Variants in KIAA0232 observed in about 807,000 individuals in gnomAD.
The protein encoded by KIAA0232 is KIAA0232.
Under a neutral mutation model 122.0 loss-of-function variants are expected in KIAA0232, and 27 were observed. That is an observed-to-expected ratio of 0.22 (90% CI 0.16 to 0.31). The LOEUF is 0.31. Among genes scored for constraint, KIAA0232 ranks in the 10% least tolerant of loss-of-function variants. The pLI is 1.00. For missense variants in KIAA0232, 1,551 were observed against 1,634.2 expected, an observed-to-expected ratio of 0.95 and a Z score of 0.88; for synonymous variants, 613 against 587.6, an observed-to-expected ratio of 1.04 and a Z score of -0.63.
chr4:6,831,673 C>T (rs73080519), intron 3 of KIAA0232, among the ~76,000 whole-genome samples: 2,641 of 152,306 alleles, frequency 0.017, 83 homozygotes, highest in African/African-American at 0.061. Context: ...TGGAAGATTA[C>T]TGGCAACCCA....
At chr4:6,814,721 G>T (rs1718041368) in intron 2 of KIAA0232, among the ~76,000 whole-genome samples, 1 of 152,154 alleles carries the variant, frequency 6.6e-6, no homozygotes, top group Non-Finnish European at 1.5e-5. Context: ...CAGCTATTAA[G>T]TGGCAGAGGT....
chr4:6,842,011 A>G, intron 3 of KIAA0232, 56 bp from the exon 4 acceptor site: 1 of 1,600,818 alleles, frequency 6.2e-7, no homozygotes, highest in Non-Finnish European at 8.5e-7. Flanking sequence ...GGTAGGTGGA[A>G]CATAGTAGTG....
chr4:6,829,603 C>T (rs965986180), intron 3 of KIAA0232, among the ~76,000 whole-genome samples: 1 of 152,180 alleles, frequency 6.6e-6, no homozygotes, highest in African/African-American at 2.4e-5. Flanking sequence ...AGCCAAACCT[C>T]GAAAGTAAGT....
intron 3 of KIAA0232, among the ~76,000 whole-genome samples, chr4:6,833,636 A>G (rs1352551849): frequency 2.6e-5 from 4 of 152,118 alleles, no homozygotes; most frequent in African/African-American, 9.7e-5. Context: ...ATCTCAAAAA[A>G]AGGAAAAAAA....
chr4:6,865,790 C>G (rs1721144497), intron 7 of KIAA0232, among the ~76,000 whole-genome samples: 1 of 152,236 alleles, frequency 6.6e-6, no homozygotes, highest in Non-Finnish European at 1.5e-5. Context: ...CTAATTCCCT[C>G]TCTCCCCTGC....
chr4:6,862,209 C>T lies in KIAA0232; in HGVS notation c.1827C>T (p.Asp609=), dbSNP rs1720912923. 2.5e-6 allele frequency: 4 copies of T among 1,614,146 alleles called. No homozygotes were observed. The highest frequency in any genetic ancestry group is 3.4e-6 in the Non-Finnish European group (4 of 1,180,028). Residue 609 remains aspartate, a synonymous_variant, in exon 7 of 10, where the codon GAC becomes GAT. Coordinates refer to ENST00000307659, the MANE Select transcript of KIAA0232 (RefSeq NM_014743.3). Reference sequence around the variant, plus strand: ...CTGATGGGGAGAGTTTTGGAGGAGACTCTCCAGTTAGACTCTCTCCCATCT... The same window carrying T: ...CTGATGGGGAGAGTTTTGGAGGAGATTCTCCAGTTAGACTCTCTCCCATCT... ...GDADGESFGG[D]SPVRLSPILD...
chr4:6,802,242 G>T (rs1193736242), intron 1 of KIAA0232, among the ~76,000 whole-genome samples: 2 of 152,166 alleles, frequency 1.3e-5, no homozygotes, highest in African/African-American at 4.8e-5. Flanking sequence ...GCTTGGGCTG[G>T]GTAGCCAGGC....
intron 1 of KIAA0232, among the ~76,000 whole-genome samples, chr4:6,803,818 CTTTACATT>C (rs1157723979): frequency 3.2e-4 from 49 of 152,044 alleles, no homozygotes; most frequent in African/African-American, 1.0e-3. Flanking sequence ...TATTTTCTTC[CTTTACATT>C]TACCTTGTAA....
chr4:6,819,531 A>G (rs893449440), intron 2 of KIAA0232, among the ~76,000 whole-genome samples: 5 of 152,230 alleles, frequency 3.3e-5, no homozygotes, highest in Admixed American at 2.0e-4. Context: ...TATCAGAGAA[A>G]TGCAAATCAA....
chr4:6,794,499 A>T (rs1717046326), intron 1 of KIAA0232, among the ~76,000 whole-genome samples: 3 of 152,172 alleles, frequency 2.0e-5, no homozygotes, highest in African/African-American at 7.2e-5. Flanking sequence ...TAATACAAAT[A>T]AGCAAGTAGA....
rs1720541093 is a variant in KIAA0232, at chr4:6,855,828, A to G, written c.370-1336A>G. 1 of 985,104 alleles carries G rather than the reference A, an allele frequency of 1.0e-6. No individual in the cohort carries two copies. The highest frequency in any genetic ancestry group is 4.7e-5 in the South Asian group (1 of 21,294). The allele number at this position is 985,104 out of a possible 1,614,324, so 61.0% of individuals were successfully genotyped here. ...AACAGTATGCAGTGTGTCAGCTGACACTGGTGTTGGTTTCACGATCCGAAG... is the reference window on the plus strand; with the variant it reads ...AACAGTATGCAGTGTGTCAGCTGACGCTGGTGTTGGTTTCACGATCCGAAG... On this transcript the variant is annotated intron_variant, in intron 4 of 9. Transcript: ENST00000307659. The surrounding 1 kb of genome is among the most constrained non-coding windows in gnomAD (Gnocchi z 4.3).
At chr4:6,786,849 A>G (rs1280574281) in intron 1 of KIAA0232, among the ~76,000 whole-genome samples, 1 of 152,126 alleles carries the variant, frequency 6.6e-6, no homozygotes, top group Admixed American at 6.6e-5. Flanking sequence ...TCACCGACCC[A>G]TTTTTTGGGC....
chr4:6,816,000 C>T (rs916344423), intron 2 of KIAA0232, among the ~76,000 whole-genome samples: 14 of 152,176 alleles, frequency 9.2e-5, no homozygotes, highest in African/African-American at 3.4e-4. Flanking sequence ...CTTGAGATCA[C>T]ATTTTAAAGT....
At position 6,881,066 on chromosome 4, in the gene KIAA0232, C is replaced by G; in HGVS notation, c.*100C>G. The G allele has an allele frequency of 1.3e-6, 1 of 762,282 alleles. No individual in the cohort carries two copies. The highest frequency in any genetic ancestry group is 1.9e-6 in the Non-Finnish European group (1 of 523,880). 47.2% of individuals were successfully genotyped at this position (762,282 alleles called of 1,614,324 possible). On this transcript the variant is annotated 3_prime_UTR_variant, in exon 10 of 10. Coordinates refer to ENST00000307659, the MANE Select transcript of KIAA0232 (RefSeq NM_014743.3). ...TCTAAAACAACAACTTAGGTTTCCT[C>G]TTCAATTAACTGATTCAGATTGGTA...
chr4:6,854,102 A>G (rs1026617932), intron 4 of KIAA0232, among the ~76,000 whole-genome samples: 1 of 152,238 alleles, frequency 6.6e-6, no homozygotes, highest in African/African-American at 2.4e-5. Context: ...AAATCAAATC[A>G]TAGCAAAAAT....
chr4:6,825,148 A>G (rs1246641033), intron 3 of KIAA0232, among the ~76,000 whole-genome samples: 2 of 152,238 alleles, frequency 1.3e-5, no homozygotes, highest in South Asian at 2.1e-4. Context: ...TGTATGACAA[A>G]TCAGTAGACT....
Position 6,880,959 on chromosome 4 carries a change from A to G in KIAA0232, c.4181A>G (p.His1394Arg), listed in dbSNP as rs1722045548. 1 of 1,544,688 alleles carries G rather than the reference A, an allele frequency of 6.5e-7. No homozygotes were observed. The highest frequency in any genetic ancestry group is 8.7e-7 in the Non-Finnish European group (1 of 1,143,426). Residue 1394 changes from histidine (H) to arginine (R), a missense_variant, in exon 10 of 10, where the codon CAT (histidine) becomes CGT (arginine). Physicochemically the swap from His to Arg is conservative, Grantham distance 29. This residue lies in a region of KIAA0232 where 1,108 missense variants were observed against 1,154.8 expected (regional missense o/e 0.96). Coordinates refer to ENST00000307659, the MANE Select transcript of KIAA0232 (RefSeq NM_014743.3). ...PSEEELFSRTHL is the reference protein window; with the variant it reads ...PSEEELFSRTRL ...GAAGAGGAGCTCTTTTCTCGAACTC[A>G]TCTCTAAACCTGCAAAATAGTACAA...
rs186473361 is a variant in KIAA0232 at position 6,864,694 on chromosome 4, G to A, written c.3801+511G>A. Among the ~76,000 whole-genome samples the A allele has an allele frequency of 2.6e-4, 35 of 133,746 alleles. No homozygotes were observed. The East Asian group carries it at 6.7e-3, about 26-fold the overall frequency. 87.7% of individuals were successfully genotyped at this position (133,746 alleles called of 152,430 possible). A position where few individuals can be genotyped will look rare whatever the true frequency, so the allele number is the denominator to read the frequency against. On this transcript the variant is annotated intron_variant, in intron 7 of 9. Coordinates refer to ENST00000307659, the MANE Select transcript of KIAA0232 (RefSeq NM_014743.3). The stretch of plus-strand genomic sequence containing the variant: ...GCAAAGGTTGCAGTGAGCCGAGATC[G>A]TGTTCTGTACTCCAGCCTGGGTGAC...
At chr4:6,792,705 T>G (rs1328475445) in intron 1 of KIAA0232, among the ~76,000 whole-genome samples, 1 of 150,672 alleles carries the variant, frequency 6.6e-6, no homozygotes, top group Admixed American at 6.6e-5. Flanking sequence ...GTTTTTTTTT[T>G]TTGAGACAGA....
Sources: gnomAD v4.1 joint callset for allele counts (sites outside exome capture counted in the v4.1 genomes callset) on GRCh38, gnomAD v4.1.1 for gene constraint, gnomAD v4.1.1 regional missense constraint, Gnocchi (gnomAD v3.1) non-coding constraint, MANE v1.5 for transcripts, NCBI Gene and HGNC (gene_info 2026-07-23, HGNC 2026-07-21) for gene names.